Variants in PAPOLG observed in about 807,000 individuals in gnomAD.
PAPOLG encodes PAP-gamma.
Under a neutral mutation model 99.0 loss-of-function variants are expected in PAPOLG, and 40 were observed. The observed-to-expected ratio is 0.40, with a 90% CI of 0.31 to 0.53. The LOEUF is 0.53. PAPOLG is among the 20% of genes least tolerant of loss of function. The pLI, the probability that PAPOLG is intolerant of heterozygous loss-of-function variation, is 0.41. For synonymous variants in PAPOLG, 310 were observed against 299.3 expected, an observed-to-expected ratio of 1.04 and a Z score of -0.37; for missense variants, 675 against 884.1, an observed-to-expected ratio of 0.76 and a Z score of 3.00.
intron 19 of PAPOLG, chr2:60,794,477 G>A: frequency 7.1e-6 from 4 of 566,746 alleles, no homozygotes; most frequent in Non-Finnish European, 1.2e-5. Context: ...GTAGGTGGTG[G>A]TAAAACTATA....
In PAPOLG at chr2:60,756,469, G is replaced by C; in HGVS notation, c.-10G>C. On this transcript the variant is annotated 5_prime_UTR_variant, in exon 1 of 22. Coordinates refer to ENST00000238714, the MANE Select transcript of PAPOLG (RefSeq NM_022894.4). ...ATAAACACTCGCTGGAGAGGGAGAC[G>C]CAGGAAGCGATGAAAGAGATGTCTG... 1.2e-6 allele frequency: 2 copies of C among 1,611,986 alleles called. No homozygotes were observed. The highest frequency in any genetic ancestry group is 1.7e-6 in the Non-Finnish European group (2 of 1,179,322).
rs113011429 is a variant in PAPOLG, at chr2:60,775,428, C to G, written c.694+305C>G. 2.1e-3 allele frequency among the ~76,000 whole-genome samples: 313 copies of G among 152,278 alleles called. 1 individual carries two copies. Among genetic ancestry groups the G allele is most frequent in the African/African-American group, 7.1e-3 (295 of 41,556 alleles). On this transcript the variant is annotated intron_variant, in intron 8 of 21. Coordinates refer to ENST00000238714, the MANE Select transcript of PAPOLG (RefSeq NM_022894.4). ...CTGTGGGTAACACCATCTTACGTAT[C>G]TTTGTATTCACACCAGCAAAGAGTC... is the stretch of plus-strand genomic sequence containing the variant.
At chr2:60,756,654 C>G (rs558039334) in intron 1 of PAPOLG, among the ~76,000 whole-genome samples, 159 bp downstream of exon 1, 1 of 152,110 alleles carries the variant, frequency 6.6e-6, no homozygotes, top group Non-Finnish European at 1.5e-5. Flanking sequence ...GGGCACCTCC[C>G]CTAAACCCGG....
chr2:60,771,546 A>G lies in PAPOLG; in HGVS notation c.520A>G (p.Ile174Val). The G allele has an allele frequency of 1.9e-6, 3 of 1,604,224 alleles. No individual in the cohort carries two copies. Among genetic ancestry groups the G allele is most frequent in the South Asian group, 1.1e-5 (1 of 89,292 alleles). The change falls in exon 7 of 22, where the codon ATA (isoleucine) becomes GTA (valine). Residue 174 changes from isoleucine to valine, a missense_variant. By Grantham distance (29) the Ile-to-Val change is conservative. Coordinates refer to ENST00000238714, the MANE Select transcript of PAPOLG (RefSeq NM_022894.4). Reference sequence around the variant, plus strand: ...TGATCTAGTCTTTGCAAGACTGGCAATACAAACCATATCAGATAATTTAGA... The same window carrying G: ...TGATCTAGTCTTTGCAAGACTGGCAGTACAAACCATATCAGATAATTTAGA... ...EIDLVFARLAIQTISDNLDLR... is the reference protein window; with the variant it reads ...EIDLVFARLAVQTISDNLDLR...
intron 1 of PAPOLG, 145 bp downstream of exon 1, chr2:60,756,640 G>T (rs1476443680): frequency 1.4e-5 from 13 of 901,648 alleles, no homozygotes; most frequent in Non-Finnish European, 2.1e-5. Flanking sequence ...CGGCCGGTCC[G>T]CAAGGGCACC....
chr2:60,796,944 T>G (rs1393138416), intron 21 of PAPOLG, 118 bp from the exon 22 acceptor site: 7 of 1,283,038 alleles, frequency 5.5e-6, no homozygotes, highest in Non-Finnish European at 5.4e-6. Flanking sequence ...CTTGAGTGTT[T>G]AGGAGCTAGA....
intron 1 of PAPOLG, among the ~76,000 whole-genome samples, chr2:60,756,984 C>T (rs751134097): frequency 4.6e-4 from 70 of 152,068 alleles, no homozygotes; most frequent in Non-Finnish European, 7.5e-4. Flanking sequence ...CCGTCCCCAC[C>T]CTCTCCCTCA....
chr2:60,791,142 G>C (rs1426485115), intron 15 of PAPOLG, among the ~76,000 whole-genome samples: 1 of 151,996 alleles, frequency 6.6e-6, no homozygotes, highest in Non-Finnish European at 1.5e-5. Context: ...AGGAGAGATT[G>C]CCTTTGGGGA....
chr2:60,775,525 T>C (rs1279392400), intron 8 of PAPOLG, among the ~76,000 whole-genome samples: 2 of 152,224 alleles, frequency 1.3e-5, no homozygotes, highest in Non-Finnish European at 2.9e-5. Flanking sequence ...TTTTACCTTA[T>C]AACACTTTTC....
chr2:60,771,630 G>T lies in PAPOLG; in HGVS notation c.604G>T (p.Gly202Cys). 6.3e-7 allele frequency: 1 copy of T among 1,590,564 alleles called. No homozygotes were observed. Among genetic ancestry groups the T allele is most frequent in the Non-Finnish European group, 8.5e-7 (1 of 1,174,364 alleles). ...TATAAGGTGTATTCGCAGCTTAAATGGTAAGCTTCTAAAAAGAAATCTCAG... is the reference window on the plus strand; with the variant it reads ...TATAAGGTGTATTCGCAGCTTAAATTGTAAGCTTCTAAAAAGAAATCTCAG... ...LDIRCIRSLN[G>C]CRVTDEILHL... is the part of the protein sequence containing the mutation. The change falls in exon 7 of 22, where the codon GGT becomes TGT. Residue 202 changes from glycine to cysteine, a missense_variant and splice_region_variant. Gly to Cys is a radical substitution (Grantham distance 159). Transcript: ENST00000238714.
chr2:60,777,181 C>T (rs754033145), intron 8 of PAPOLG, among the ~76,000 whole-genome samples: 2 of 152,124 alleles, frequency 1.3e-5, no homozygotes, highest in African/African-American at 2.4e-5. Context: ...AGCAGCCAGG[C>T]GCAGTGGCTC....
intron 8 of PAPOLG, among the ~76,000 whole-genome samples, chr2:60,779,308 A>T (rs958977578): frequency 6.6e-6 from 1 of 152,164 alleles, no homozygotes; most frequent in African/African-American, 2.4e-5. Context: ...AATACTGAAA[A>T]ATGGGGAATT....
chr2:60,787,078 G>A lies in PAPOLG; in HGVS notation c.1286+12G>A. ...GAACATCATAAAGAGTAAGTTAATT[G>A]TTTTATAATACTTTATTTCTTAAAT... is the stretch of plus-strand genomic sequence containing the variant. On this transcript the variant is annotated intron_variant, in intron 14 of 21. Coordinates refer to ENST00000238714, the MANE Select transcript of PAPOLG (RefSeq NM_022894.4). 9 of 1,564,868 alleles carry A rather than the reference G, an allele frequency of 5.8e-6. No individual in the cohort carries two copies. The highest frequency in any genetic ancestry group is 7.8e-6 in the Non-Finnish European group (9 of 1,152,506).
chr2:60,764,505 C>T (rs1377358737), intron 3 of PAPOLG, among the ~76,000 whole-genome samples: 1 of 151,948 alleles, frequency 6.6e-6, no homozygotes, highest in Non-Finnish European at 1.5e-5. Context: ...CAACCTCCGC[C>T]TCCCAGGCTC....
At chr2:60,756,963 T>C (rs753598144) in intron 1 of PAPOLG, among the ~76,000 whole-genome samples, 2 of 151,758 alleles carry the variant, frequency 1.3e-5, no homozygotes, top group Non-Finnish European at 2.9e-5. Flanking sequence ...GAGGCTACAG[T>C]CTTTTCACCG....
At chr2:60,774,102 T>G (rs1046974886) in intron 7 of PAPOLG, among the ~76,000 whole-genome samples, 5 of 144,144 alleles carry the variant, frequency 3.5e-5, no homozygotes, top group African/African-American at 5.0e-5. Context: ...TTGTTTTTTG[T>G]TTTTTTTTTG....
chr2:60,768,395 C>G, intron 3 of PAPOLG, 75 bp from the exon 4 acceptor site: 2 of 1,483,044 alleles, frequency 1.3e-6, no homozygotes, highest in Non-Finnish European at 1.9e-6. Context: ...AGCCACCATG[C>G]CCAGCCAACA....
Position 60,760,198 on chromosome 2 carries a change from G to C in PAPOLG, c.82G>C (p.Ala28Pro). 1 of 1,613,778 alleles carries C rather than the reference G, an allele frequency of 6.2e-7. No homozygotes were observed. The highest frequency in any genetic ancestry group is 8.5e-7 in the Non-Finnish European group (1 of 1,179,724). ...HYGITSPISL[A>P]SPKEIDHIYT... ...TGGAATTACCTCCCCAATTAGTTTG[G>C]CATCTCCTAAAGAAATTGATCATAT... Residue 28 changes from alanine to proline, a missense_variant, in exon 2 of 22, where the codon GCA (alanine) becomes CCA (proline). Ala to Pro is a conservative substitution (Grantham distance 27). Coordinates refer to ENST00000238714, the MANE Select transcript of PAPOLG (RefSeq NM_022894.4).
At chr2:60,791,664 G>C in intron 15 of PAPOLG, 97 bp from the exon 16 acceptor site, 2 of 1,449,964 alleles carry the variant, frequency 1.4e-6, no homozygotes, top group Non-Finnish European at 1.8e-6. Flanking sequence ...GGTGGTGATA[G>C]TGGGGAGATA....
Sources: gnomAD v4.1 joint callset for allele counts (sites outside exome capture counted in the v4.1 genomes callset) on GRCh38, gnomAD v4.1.1 for gene constraint, MANE v1.5 for transcripts, NCBI Gene and HGNC (gene_info 2026-07-23, HGNC 2026-07-21) for gene names.